Variants in KCNMA1 observed in about 807,000 individuals in gnomAD.
KCNMA1 encodes the protein potassium calcium-activated channel subfamily M alpha 1, also known as Calcium-activated potassium channel subunit alpha-1.
Under a neutral mutation model 140.0 loss-of-function variants are expected in KCNMA1, and 29 were observed. The observed-to-expected ratio is 0.21, with a 90% confidence interval of 0.15 to 0.28. The LOEUF is 0.28. Ranked by LOEUF, KCNMA1 falls within the 10% of genes least tolerant of loss-of-function variation. The pLI, the probability that KCNMA1 is intolerant of heterozygous loss-of-function variation, is 1.00. For missense variants in KCNMA1, 880 were observed against 1,602.2 expected (o/e 0.55, Z 7.70); for synonymous variants, 612 against 611.9 (o/e 1.00, Z 0.00).
chr10:77,602,234 G>A (rs1208822828), intron 1 of KCNMA1, among the ~76,000 whole-genome samples: 1 of 152,080 alleles, frequency 6.6e-6, no homozygotes, highest in African/African-American at 2.4e-5. Context: ...AACTCTTCAG[G>A]TTCTGAGCAC....
intron 2 of KCNMA1, among the ~76,000 whole-genome samples, chr10:77,316,204 T>C (rs2154349858): frequency 6.6e-6 from 1 of 152,166 alleles, no homozygotes; most frequent in Non-Finnish European, 1.5e-5. Flanking sequence ...CAACAGAAGG[T>C]TCAACAACAC....
chr10:76,871,602 C>T (rs2031355486), exon 28 of KCNMA1: 1 of 152,234 alleles, frequency 6.6e-6, no homozygotes, highest in Non-Finnish European at 1.5e-5. Context: ...CTGTCTTCCT[C>T]TAATAGTCTT....
At chr10:76,982,023 C>G (rs2079645487) in intron 19 of KCNMA1, among the ~76,000 whole-genome samples, 1 of 152,182 alleles carries the variant, frequency 6.6e-6, no homozygotes, top group South Asian at 2.1e-4. Context: ...AGACACTTCC[C>G]TTTCCTGGGG....
rs1181049351 is a variant in KCNMA1, at chr10:77,522,560, C to T, written c.378+114705G>A. Among the ~76,000 whole-genome samples the T allele has an allele frequency of 2.6e-5, 4 of 152,324 alleles. No homozygotes were observed. In the South Asian group the frequency reaches 8.3e-4, roughly 32 times the overall value. On this transcript the variant is annotated intron_variant, in intron 1 of 27. Transcript: ENST00000286628. ...GCTCCTAGCAACAGCCCCTCACCCA[C>T]ACCTCACAGCTGCTGCTGCCCAGAA...
intron 2 of KCNMA1, among the ~76,000 whole-genome samples, chr10:77,294,698 C>T (rs1209906141): frequency 1.3e-5 from 2 of 152,100 alleles, no homozygotes; most frequent in Non-Finnish European, 1.5e-5. Flanking sequence ...GTGGGCGGGT[C>T]ATCTGAGGTC....
At chr10:77,478,634 C>T (rs1419515200) in intron 1 of KCNMA1, among the ~76,000 whole-genome samples, 1 of 152,212 alleles carries the variant, frequency 6.6e-6, no homozygotes, top group African/African-American at 2.4e-5. Context: ...TATCACAAAA[C>T]TCTACATGTG....
intron 12 of KCNMA1, among the ~76,000 whole-genome samples, chr10:77,083,120 T>A (rs2096617447): frequency 6.6e-6 from 1 of 152,126 alleles, no homozygotes; most frequent in Non-Finnish European, 1.5e-5. Flanking sequence ...AAGATGGCTG[T>A]TCACAGTTAG....
At chr10:77,192,225 A>C (rs1038840377) in intron 3 of KCNMA1, among the ~76,000 whole-genome samples, 3 of 152,200 alleles carry the variant, frequency 2.0e-5, no homozygotes, top group African/African-American at 7.2e-5. Context: ...GAATATGTCA[A>C]TTCTTTATAA....
intron 7 of KCNMA1, among the ~76,000 whole-genome samples, chr10:77,110,601 T>C (rs2097296146): frequency 6.6e-6 from 1 of 152,098 alleles, no homozygotes; most frequent in African/African-American, 2.4e-5. Flanking sequence ...AGAAGGGAAA[T>C]ATCTCTAGGC....
chr10:76,918,918 T>TCACACACACA lies in KCNMA1; in HGVS notation c.2903-3879_2903-3870dup, dbSNP rs71477059. ...TACACACACACATATATATATCACA[T>TCACACACACA]CACACACACACACACACACACACAC... On this transcript the variant is annotated intron_variant, in intron 23 of 27. Coordinates refer to ENST00000286628, the MANE Select transcript of KCNMA1 (RefSeq NM_001161352.2). Among the ~76,000 whole-genome samples the TCACACACACA allele has an allele frequency of 3.1e-3, 440 of 144,250 alleles. 3 individuals are homozygous for TCACACACACA. The highest frequency in any genetic ancestry group is 2.8e-3 in the African/African-American group (109 of 39,296). 94.6% of individuals were successfully genotyped at this position (144,250 alleles called of 152,430 possible).
At chr10:77,224,341 T>A (rs2050636013) in intron 3 of KCNMA1, among the ~76,000 whole-genome samples, 1 of 152,122 alleles carries the variant, frequency 6.6e-6, no homozygotes, top group African/African-American at 2.4e-5. Context: ...AGAAGTGGAG[T>A]TTTGAGGATG....
downstream of KCNMA1, chr10:76,873,187 ATAAAAT>A (rs1347193235): frequency 3.9e-5 from 6 of 152,224 alleles, no homozygotes. Flanking sequence ...CTCTTAAGAA[ATAAAAT>A]TAAAAATGTT....
At chr10:77,311,193 C>G (rs1303969467) in intron 2 of KCNMA1, among the ~76,000 whole-genome samples, 1 of 152,204 alleles carries the variant, frequency 6.6e-6, no homozygotes, top group East Asian at 1.9e-4. Flanking sequence ...GCCCACTCCA[C>G]ATTACCAAGC....
At chr10:77,360,986 G>C (rs2093902191) in intron 2 of KCNMA1, among the ~76,000 whole-genome samples, 1 of 152,166 alleles carries the variant, frequency 6.6e-6, no homozygotes, top group African/African-American at 2.4e-5. Flanking sequence ...GAAGTACTAG[G>C]TCAAGGTGTC....
chr10:77,143,442 T>C (rs1314966277), intron 5 of KCNMA1, among the ~76,000 whole-genome samples: 1 of 152,046 alleles, frequency 6.6e-6, no homozygotes, highest in Non-Finnish European at 1.5e-5. Context: ...TAGACCCATA[T>C]ATATACAATC....
intron 19 of KCNMA1, among the ~76,000 whole-genome samples, chr10:76,983,342 T>C (rs1402748999): frequency 6.6e-6 from 1 of 152,152 alleles, no homozygotes; most frequent in African/African-American, 2.4e-5. Flanking sequence ...GCAGTATGCC[T>C]GAGAAAAGTT....
At chr10:77,009,371 C>T (rs1003933737) in intron 18 of KCNMA1, among the ~76,000 whole-genome samples, 7 of 152,172 alleles carry the variant, frequency 4.6e-5, no homozygotes, top group African/African-American at 1.7e-4. Flanking sequence ...TGGAAAAATA[C>T]CCTAGAGGCC....
intron 1 of KCNMA1, among the ~76,000 whole-genome samples, chr10:77,460,362 T>C (rs1343334195): frequency 6.6e-6 from 1 of 152,180 alleles, no homozygotes; most frequent in Non-Finnish European, 1.5e-5. Flanking sequence ...ATAGAACTAC[T>C]ATTCAATCTA....
At chr10:77,501,355 T>G (rs895236938) in intron 1 of KCNMA1, among the ~76,000 whole-genome samples, 1 of 152,172 alleles carries the variant, frequency 6.6e-6, no homozygotes, top group Non-Finnish European at 1.5e-5. Context: ...CTCTCCTGCC[T>G]CCCAACACCC....
Sources: gnomAD v4.1 joint callset for allele counts (sites outside exome capture counted in the v4.1 genomes callset) on GRCh38, gnomAD v4.1.1 for gene constraint, MANE v1.5 for transcripts, NCBI Gene and HGNC (gene_info 2026-07-23, HGNC 2026-07-21) for gene names.